COL27A1: variants seen among roughly 807,000 people sequenced by gnomAD.
The protein encoded by COL27A1 is collagen alpha-1(XXVII) chain.
COL27A1 carries 106 observed loss-of-function variants against 251.3 expected under a neutral mutation model. That is an observed-to-expected ratio of 0.42 (90% confidence interval 0.36 to 0.50). The LOEUF (loss-of-function observed/expected upper bound fraction) is 0.50, where lower values mean the gene tolerates loss of function less well. Among genes scored for constraint, COL27A1 ranks in the 20% least tolerant of loss-of-function variants. The pLI is 0.00. For missense variants in COL27A1, 2,325 were observed against 2,522.8 expected, an observed-to-expected ratio of 0.92 and a Z score of 1.68; for synonymous variants, 1,000 against 986.3, an observed-to-expected ratio of 1.01 and a Z score of -0.26.
chr9:114,299,716 G>T, intron 49 of COL27A1, among the ~76,000 whole-genome samples: 1 of 152,336 alleles, frequency 6.6e-6, no homozygotes, highest in Middle Eastern at 3.4e-3. Context: ...GTTTTTAGGG[G>T]AATCCTTCCT....
chr9:114,224,540 T>A (rs56304946), intron 14 of COL27A1, among the ~76,000 whole-genome samples: 5,441 of 152,190 alleles, frequency 0.036, 166 homozygotes, highest in Non-Finnish European at 0.053. Context: ...CTATTTGTCA[T>A]CATCCCAGCG....
chr9:114,200,082 G>T (rs75386580), intron 7 of COL27A1, among the ~76,000 whole-genome samples: 3,328 of 152,276 alleles, frequency 0.022, 124 homozygotes, highest in African/African-American at 0.074. Flanking sequence ...GAGCACAGGG[G>T]TCATCTGGAA....
intron 41 of COL27A1, among the ~76,000 whole-genome samples, chr9:114,288,235 C>T (rs1488121658): frequency 1.3e-5 from 2 of 152,176 alleles, no homozygotes; most frequent in South Asian, 2.1e-4. Context: ...AGCTCAAGGG[C>T]GTCTGGAGGG....
intron 56 of COL27A1, among the ~76,000 whole-genome samples, chr9:114,303,560 C>T (rs12238614): frequency 0.018 from 2,764 of 152,202 alleles, 53 homozygotes; most frequent in African/African-American, 0.047. Context: ...TTCATGTATT[C>T]ACTCATGTGT....
chr9:114,156,477 C>T (rs1271560457), intron 1 of COL27A1, among the ~76,000 whole-genome samples: 2 of 152,076 alleles, frequency 1.3e-5, no homozygotes, highest in African/African-American at 4.8e-5. Flanking sequence ...GTCACCAGGT[C>T]TCGGGTTCTG....
chr9:114,252,515 G>A, intron 25 of COL27A1, 78 bp from the exon 26 acceptor site: 1 of 1,206,706 alleles, frequency 8.3e-7, no homozygotes, highest in Non-Finnish European at 1.2e-6. Flanking sequence ...GCCTCTGGAT[G>A]GCCCTCTGCA....
chr9:114,210,741 C>G (rs1830295164), intron 11 of COL27A1, among the ~76,000 whole-genome samples: 1 of 152,240 alleles, frequency 6.6e-6, no homozygotes, highest in Non-Finnish European at 1.5e-5. Context: ...CAGCTGGAGC[C>G]TGAGCATTTA....
At chr9:114,240,191 G>C in intron 19 of COL27A1, 29 bp from the exon 20 acceptor site, 2 of 1,605,508 alleles carry the variant, frequency 1.2e-6, no homozygotes, top group South Asian at 1.1e-5. Flanking sequence ...CAGCCCCCGT[G>C]GGTGACCCTG....
rs1208444622 is a variant in COL27A1, at chr9:114,311,052, T to G, written c.*357T>G. Reference sequence around the variant, plus strand: ...CAAGCCAACTTGAGGGAAGGGGGCGTCTCGTCAGCTGGTCCCTGCTAGGGA... The same window carrying G: ...CAAGCCAACTTGAGGGAAGGGGGCGGCTCGTCAGCTGGTCCCTGCTAGGGA... On this transcript the variant is annotated 3_prime_UTR_variant, in exon 61 of 61. Transcript: ENST00000356083. The G allele has an allele frequency of 4.3e-6, 1 of 233,696 alleles. No homozygotes were observed. Among genetic ancestry groups the G allele is most frequent in the Non-Finnish European group, 8.4e-6 (1 of 119,050 alleles). 14.5% of individuals were successfully genotyped at this position (233,696 alleles called of 1,614,324 possible). A position where few individuals can be genotyped will look rare whatever the true frequency, so the allele number is the denominator to read the frequency against.
At chr9:114,240,321 G>A (rs1832671952) in intron 20 of COL27A1, 48 bp downstream of exon 20, 18 of 1,583,522 alleles carry the variant, frequency 1.1e-5, no homozygotes, top group Non-Finnish European at 1.6e-5. Context: ...AGACAGCTCT[G>A]CAGAAACCAC....
At chr9:114,304,806 C>T (rs752247121) in intron 57 of COL27A1, 133 bp downstream of exon 57, 17 of 734,234 alleles carry the variant, frequency 2.3e-5, no homozygotes, top group East Asian at 2.7e-5. Context: ...GGTGGCATCT[C>T]GCATCCACAA....
At chr9:114,192,165 A>G (rs1828794059) in intron 5 of COL27A1, among the ~76,000 whole-genome samples, 1 of 152,226 alleles carries the variant, frequency 6.6e-6, no homozygotes, top group South Asian at 2.1e-4. Context: ...CAAGGGAGCA[A>G]GTCATCATTT....
intron 49 of COL27A1, among the ~76,000 whole-genome samples, chr9:114,293,190 G>C (rs1414186633): frequency 6.6e-6 from 1 of 152,146 alleles, no homozygotes; most frequent in East Asian, 1.9e-4. Flanking sequence ...ACACTATTTT[G>C]AGCCTTAAAA....
At chr9:114,184,466 C>T (rs990362783) in intron 5 of COL27A1, among the ~76,000 whole-genome samples, 9 of 152,318 alleles carry the variant, frequency 5.9e-5, no homozygotes, top group African/African-American at 2.2e-4. Flanking sequence ...GAGCAGAGTG[C>T]AGGAGCACTG....
In COL27A1 at chr9:114,167,702, C is replaced by T. The variant is rs141061686; in HGVS notation, c.147C>T (p.Leu49=). Residue 49 remains leucine (L), a synonymous_variant, in exon 3 of 61, where the codon CTC becomes CTT. Coordinates refer to ENST00000356083, the MANE Select transcript of COL27A1 (RefSeq NM_032888.4). ...TQGAPEDVDI[L]QRLGLSWTKA... is the part of the protein sequence containing the mutation. ...CCTCCCTCTCAGATGTGGACATCCTCCAGCGGCTGGGCCTCAGCTGGACGA... is the reference window on the plus strand; with the variant it reads ...CCTCCCTCTCAGATGTGGACATCCTTCAGCGGCTGGGCCTCAGCTGGACGA... 2 of 1,611,240 alleles carry T rather than the reference C, an allele frequency of 1.2e-6. No individual in the cohort carries two copies. Among genetic ancestry groups the T allele is most frequent in the Non-Finnish European group, 1.7e-6 (2 of 1,178,092 alleles).
chr9:114,278,596 G>A (rs1056097097), intron 37 of COL27A1, among the ~76,000 whole-genome samples: 5 of 132,236 alleles, frequency 3.8e-5, no homozygotes, highest in Admixed American at 1.6e-4. Flanking sequence ...GGTGGGGGTG[G>A]GAGTGGTGAT....
chr9:114,242,377 A>C, intron 22 of COL27A1, 146 bp downstream of exon 22: 1 of 574,190 alleles, frequency 1.7e-6, no homozygotes, highest in South Asian at 3.2e-5. Context: ...ACAGACCCCA[A>C]AGGAGAGAGA....
chr9:114,205,195 G>GC (rs775981056), intron 8 of COL27A1, 49 bp downstream of exon 8: 25 of 1,551,976 alleles, frequency 1.6e-5, no homozygotes, highest in Non-Finnish European at 2.0e-5. Flanking sequence ...CCTCCTCCCA[G>GC]CCCCTACCTG....
At position 114,294,559 on chromosome 9, in the gene COL27A1, T is replaced by C. The variant is rs555288945; in HGVS notation, c.4584+2349T>C. ...AACATTTGAAAATAAATCAGTATAA[T>C]TCACTATATTAACAGACTCAAAAAA... is the stretch of plus-strand genomic sequence containing the variant. On this transcript the variant is annotated intron_variant, in intron 49 of 60. Coordinates refer to ENST00000356083, the MANE Select transcript of COL27A1 (RefSeq NM_032888.4). 1.4e-4 allele frequency among the ~76,000 whole-genome samples: 22 copies of C among 152,328 alleles called. No individual in the cohort carries two copies. In the East Asian group the frequency reaches 4.2e-3, roughly 29 times the overall value.
Sources: gnomAD v4.1 joint callset for allele counts (sites outside exome capture counted in the v4.1 genomes callset) on GRCh38, gnomAD v4.1.1 for gene constraint, MANE v1.5 for transcripts, NCBI Gene and HGNC (gene_info 2026-07-23, HGNC 2026-07-21) for gene names.